CACNA1E: variants seen among roughly 807,000 people sequenced by gnomAD.
CACNA1E encodes the protein calcium voltage-gated channel subunit alpha1 E, also known as voltage-dependent R-type calcium channel subunit alpha-1E.
Under a neutral mutation model 259.2 loss-of-function variants are expected in CACNA1E, and 40 were observed. That is an observed-to-expected ratio of 0.15 (90% CI 0.12 to 0.20). CACNA1E has a LOEUF of 0.20. Among genes scored for constraint, CACNA1E ranks in the 10% least tolerant of loss-of-function variants. CACNA1E has a pLI of 1.00. For missense variants in CACNA1E, 1,874 were observed against 3,040.1 expected (o/e 0.62, Z 9.02); for synonymous variants, 1,104 against 1,138.5 (o/e 0.97, Z 0.61).
At chr1:181,558,573 G>C (rs1346588936) in intron 3 of CACNA1E, among the ~76,000 whole-genome samples, 1 of 152,218 alleles carries the variant, frequency 6.6e-6, no homozygotes, top group Non-Finnish European at 1.5e-5. Flanking sequence ...GCATGCGAGA[G>C]CCCTGAAATG....
chr1:181,387,268 G>A (rs902243666), intron 1 of CACNA1E, among the ~76,000 whole-genome samples: 28 of 152,136 alleles, frequency 1.8e-4, no homozygotes, highest in Admixed American at 1.8e-3. Flanking sequence ...GAACACTTGG[G>A]CTGCTCCTTT....
At chr1:181,370,154 C>T (rs1654575743) in intron 1 of CACNA1E, among the ~76,000 whole-genome samples, 2 of 152,000 alleles carry the variant, frequency 1.3e-5, no homozygotes, top group Admixed American at 1.3e-4. Flanking sequence ...ATACAATGAA[C>T]CCTGAAAAGC....
intron 7 of CACNA1E, among the ~76,000 whole-genome samples, chr1:181,653,132 C>T (rs994181021): frequency 1.4e-4 from 21 of 152,052 alleles, no homozygotes; most frequent in African/African-American, 2.9e-4. Flanking sequence ...ACCATAGCTC[C>T]GCGGCTTAAA....
At chr1:181,742,943 C>T (rs996778325) in intron 25 of CACNA1E, among the ~76,000 whole-genome samples, 5 of 152,000 alleles carry the variant, frequency 3.3e-5, no homozygotes, top group Non-Finnish European at 5.9e-5. Flanking sequence ...GTTTATTTTT[C>T]TTCTTGGATT....
intron 7 of CACNA1E, among the ~76,000 whole-genome samples, chr1:181,683,999 T>C (rs1347999359): frequency 6.6e-6 from 1 of 152,222 alleles, no homozygotes; most frequent in East Asian, 1.9e-4. Context: ...TGACAATGAC[T>C]TGATCAGGTT....
chr1:181,350,285 G>A (rs900439666), intron 1 of CACNA1E, among the ~76,000 whole-genome samples: 12 of 152,290 alleles, frequency 7.9e-5, no homozygotes, highest in Non-Finnish European at 1.6e-4. Flanking sequence ...TGGAGCCTTC[G>A]CGGAGGATGT....
At chr1:181,766,860 A>C (rs894349970) in intron 35 of CACNA1E, among the ~76,000 whole-genome samples, 1 of 152,146 alleles carries the variant, frequency 6.6e-6, no homozygotes, top group Non-Finnish European at 1.5e-5. Flanking sequence ...TCATGGTGCT[A>C]ATTCATAAGC....
intron 6 of CACNA1E, among the ~76,000 whole-genome samples, chr1:181,610,811 A>G (rs1415277619): frequency 6.6e-6 from 1 of 152,176 alleles, no homozygotes. Context: ...GTTTTGCTCT[A>G]ATATAAATAA....
chr1:181,355,587 CAAACAAAACAAAACA>C (rs142997966), intron 1 of CACNA1E, among the ~76,000 whole-genome samples: 11,378 of 148,558 alleles, frequency 0.077, 954 homozygotes, highest in African/African-American at 0.2. Flanking sequence ...GACTCCATCT[CAAACAAAACAAAACA>C]AAACAAAACA....
At chr1:181,625,454 A>T (rs142440589) in intron 6 of CACNA1E, among the ~76,000 whole-genome samples, 139 of 152,296 alleles carry the variant, frequency 9.1e-4, no homozygotes, top group Middle Eastern at 3.4e-3. Context: ...ATCTTCTGGA[A>T]ACCTTGCTGT....
intron 1 of CACNA1E, among the ~76,000 whole-genome samples, chr1:181,393,663 G>T (rs1253418808): frequency 2.6e-5 from 4 of 152,132 alleles, no homozygotes; most frequent in Non-Finnish European, 5.9e-5. Flanking sequence ...TTGCAATGTT[G>T]CCTAGGCTGG....
Position 181,324,665 on chromosome 1 carries a change from G to T in CACNA1E, c.-15+6542G>T, listed in dbSNP as rs75271776. Among the ~76,000 whole-genome samples, 196 of 152,280 alleles carry T rather than the reference G, an allele frequency of 1.3e-3. 5 individuals carry two copies. In the East Asian group the frequency reaches 0.034, roughly 26 times the overall value. The stretch of plus-strand genomic sequence containing the variant: ...ATAAATTAGATGATGCCTAGGACAG[G>T]CCTTTGTGGAAGGAAGATCCTGTTC... On this transcript the variant is annotated intron_variant, in intron 1 of 11. Transcript: ENST00000524607.
chr1:181,390,257 G>C (rs943111032), intron 1 of CACNA1E, among the ~76,000 whole-genome samples: 1 of 152,192 alleles, frequency 6.6e-6, no homozygotes, highest in African/African-American at 2.4e-5. Context: ...CTTAGGAGGG[G>C]CTTCTGCTGA....
intron 32 of CACNA1E, among the ~76,000 whole-genome samples, chr1:181,759,687 C>T (rs1658406432): frequency 6.6e-6 from 1 of 152,144 alleles, no homozygotes; most frequent in Non-Finnish European, 1.5e-5. Context: ...GGATGCAAGC[C>T]CATGTGACAG....
At chr1:181,760,523 G>A (rs574274478) in intron 32 of CACNA1E, among the ~76,000 whole-genome samples, 1 of 152,080 alleles carries the variant, frequency 6.6e-6, no homozygotes, top group Non-Finnish European at 1.5e-5. Flanking sequence ...CACAATGAAA[G>A]GCAATAGAAT....
intron 1 of CACNA1E, among the ~76,000 whole-genome samples, chr1:181,355,274 G>A (rs936451407): frequency 3.9e-5 from 6 of 152,148 alleles, no homozygotes; most frequent in Admixed American, 3.3e-4. Flanking sequence ...CTCATAGGGT[G>A]GCAATAAGGG....
At chr1:181,704,316 G>A (rs1337639963) in intron 7 of CACNA1E, among the ~76,000 whole-genome samples, 1 of 152,110 alleles carries the variant, frequency 6.6e-6, no homozygotes, top group African/African-American at 2.4e-5. Context: ...AAACATTGAA[G>A]AGGCTCACCC....
At chr1:181,656,409 A>G (rs1363742884) in intron 7 of CACNA1E, among the ~76,000 whole-genome samples, 1 of 152,190 alleles carries the variant, frequency 6.6e-6, no homozygotes, top group Non-Finnish European at 1.5e-5. Context: ...TTAAAAAGTA[A>G]AAAAGTAAAA....
intron 2 of CACNA1E, among the ~76,000 whole-genome samples, chr1:181,439,807 C>T (rs572539374): frequency 3.3e-5 from 5 of 152,082 alleles, no homozygotes; most frequent in East Asian, 1.9e-4. Flanking sequence ...CAAATTTATC[C>T]CCACAGGGAG....
Sources: allele counts gnomAD v4.1 joint callset (sites outside exome capture counted in the v4.1 genomes callset), GRCh38; gene constraint gnomAD v4.1.1; transcripts MANE v1.5; gene names NCBI Gene and HGNC (gene_info 2026-07-23, HGNC 2026-07-21).